Variants in POPDC1 observed in about 807,000 individuals in gnomAD.
POPDC1 encodes popeye domain-containing protein 1.
chr6:105,104,789 T>C, the POPDC1 span, among the ~76,000 whole-genome samples: 3 of 152,200 alleles, frequency 2.0e-5, no homozygotes, highest in African/African-American at 7.2e-5. Flanking sequence ...AATGTTTTCA[T>C]CCAATCAGTA....
chr6:105,128,361 C>T, the POPDC1 span, among the ~76,000 whole-genome samples: 1 of 152,136 alleles, frequency 6.6e-6, no homozygotes, highest in Non-Finnish European at 1.5e-5. Flanking sequence ...TTTTGCTCTC[C>T]AGTACTTTTT....
chr6:105,116,521 C>G, the POPDC1 span, among the ~76,000 whole-genome samples: 5 of 152,270 alleles, frequency 3.3e-5, no homozygotes, highest in East Asian at 9.6e-4. Context: ...ATTGTAGACT[C>G]CTTACTAAGT....
the POPDC1 span, among the ~76,000 whole-genome samples, chr6:105,118,303 C>T: frequency 6.6e-5 from 10 of 152,252 alleles, no homozygotes; most frequent in Middle Eastern, 3.4e-3. Context: ...AATCTGATTG[C>T]TGGCAAATTA....
the POPDC1 span, among the ~76,000 whole-genome samples, chr6:105,109,788 A>AGT: frequency 7.0e-6 from 1 of 142,304 alleles, no homozygotes; most frequent in Non-Finnish European, 1.5e-5. Context: ...AAAAAGATTA[A>AGT]GTGTATAAAG....
chr6:105,123,263 G>A, the POPDC1 span, among the ~76,000 whole-genome samples: 1 of 152,156 alleles, frequency 6.6e-6, no homozygotes, highest in African/African-American at 2.4e-5. Flanking sequence ...CAGAGGCTGA[G>A]ACTAAAGGAA....
the POPDC1 span, chr6:105,116,770 A>G: frequency 9.3e-6 from 15 of 1,612,400 alleles, no homozygotes; most frequent in African/African-American, 1.5e-4. Context: ...TAAGATACCT[A>G]AAGATTTCAT....
the POPDC1 span, chr6:105,129,534 A>T: frequency 2.5e-6 from 4 of 1,589,926 alleles, no homozygotes; most frequent in Non-Finnish European, 3.4e-6. Context: ...CACGTTAGAT[A>T]ATCTAGAAGA....
At chr6:105,110,083 T>C in the POPDC1 span, among the ~76,000 whole-genome samples, 6,571 of 152,184 alleles carry the variant, frequency 0.043, 471 homozygotes, top group African/African-American at 0.15. Flanking sequence ...AGGAGCAGGG[T>C]ACTGGCATGA....
the POPDC1 span, among the ~76,000 whole-genome samples, chr6:105,106,003 A>G: frequency 0.86 from 130,635 of 152,192 alleles, 57,623 homozygotes; most frequent in Non-Finnish European, 0.96. Context: ...TTAGTTTTCT[A>G]TTAAAACTAT....
At chr6:105,124,605 G>C in the POPDC1 span, 1 of 1,612,764 alleles carries the variant, frequency 6.2e-7, no homozygotes, top group Non-Finnish European at 8.5e-7. Context: ...ATCTATAAAG[G>C]CACAGGGGTA....
chr6:105,116,816 CT>C, the POPDC1 span: 2 of 1,612,412 alleles, frequency 1.2e-6, no homozygotes, highest in Non-Finnish European at 1.7e-6. Flanking sequence ...GTATGTTAAT[CT>C]TTCTCTTGAC....
the POPDC1 span, among the ~76,000 whole-genome samples, chr6:105,117,308 C>T: frequency 5.3e-5 from 8 of 152,180 alleles, no homozygotes; most frequent in Non-Finnish European, 8.8e-5. Flanking sequence ...TTCTGCCCAT[C>T]CATCTCTGCA....
chr6:105,128,339 T>A, the POPDC1 span, among the ~76,000 whole-genome samples: 2 of 152,230 alleles, frequency 1.3e-5, no homozygotes, highest in Non-Finnish European at 2.9e-5. Context: ...TAAGAGACAT[T>A]GGGTGTTTCT....
At chr6:105,115,703 G>A in the POPDC1 span, 1 of 1,613,978 alleles carries the variant, frequency 6.2e-7, no homozygotes, top group Non-Finnish European at 8.5e-7. Flanking sequence ...GGACATGCTG[G>A]AGGTACCCCG....
the POPDC1 span, chr6:105,137,088 C>CTCGGCGGG: frequency 6.6e-6 from 1 of 151,884 alleles, no homozygotes. Flanking sequence ...ACGCGCGCTC[C>CTCGGCGGG]TCGGCGGGTC....
At chr6:105,103,394 G>T in the POPDC1 span, among the ~76,000 whole-genome samples, 1 of 152,106 alleles carries the variant, frequency 6.6e-6, no homozygotes, top group African/African-American at 2.4e-5. Flanking sequence ...GGCCAATAAA[G>T]GAAATGGGCC....
the POPDC1 span, among the ~76,000 whole-genome samples, chr6:105,124,860 T>C: frequency 1.3e-5 from 2 of 152,172 alleles, no homozygotes; most frequent in Non-Finnish European, 2.9e-5. Context: ...TGTCCAGTAT[T>C]GAGCCAGAGG....
the POPDC1 span, among the ~76,000 whole-genome samples, chr6:105,135,254 C>T: frequency 6.6e-5 from 10 of 152,036 alleles, no homozygotes; most frequent in Non-Finnish European, 1.3e-4. Context: ...GAACGTCAAC[C>T]TGATAAACAC....
the POPDC1 span, among the ~76,000 whole-genome samples, chr6:105,105,776 C>T: frequency 6.6e-5 from 10 of 152,102 alleles, no homozygotes; most frequent in African/African-American, 2.4e-4. Context: ...AGAAATTTGC[C>T]CAGAGGCCCA....
Sources: allele counts gnomAD v4.1 joint callset (sites outside exome capture counted in the v4.1 genomes callset), GRCh38; gene constraint gnomAD v4.1.1; transcripts MANE v1.5; gene names NCBI Gene and HGNC (gene_info 2026-07-23, HGNC 2026-07-21).